R3HDM1: variants seen among roughly 807,000 people sequenced by gnomAD.
R3HDM1 encodes the protein R3H domain containing 1, also known as R3H domain-containing protein 1.
A neutral mutation model predicts 141.1 loss-of-function variants in R3HDM1; 46 were observed. That is an observed-to-expected ratio of 0.33 (90% CI 0.26 to 0.42). R3HDM1 has a LOEUF of 0.42. R3HDM1 is among the 10% of genes least tolerant of loss of function. The pLI is 1.00. For missense variants in R3HDM1, 1,184 were observed against 1,368.3 expected, an observed-to-expected ratio of 0.87 and a Z score of 2.12; for synonymous variants, 435 against 472.9, an observed-to-expected ratio of 0.92 and a Z score of 1.04.
rs771446301 is a variant in R3HDM1 at position 135,641,538 on chromosome 2, T to G, written c.1222T>G (p.Ser408Ala). Reference protein sequence around the residue: ...KSIGRLSKTGSESSGSVGSST... With the variant: ...KSIGRLSKTGAESSGSVGSST... Reference sequence around the variant, plus strand: ...ATTTTTCATTACTCCTCTTCTAGGTTCTGAGTCTTCTGGTAGTGTAGGGTC... The same window carrying G: ...ATTTTTCATTACTCCTCTTCTAGGTGCTGAGTCTTCTGGTAGTGTAGGGTC... Residue 408 changes from serine to alanine, a missense_variant and splice_region_variant, in exon 15 of 27, where the codon TCT (serine) becomes GCT (alanine). Physicochemically the swap from Ser to Ala is moderately conservative, Grantham distance 99. Around this residue, in one of 5 missense-constraint regions of R3HDM1, gnomAD observed 240 missense variants for 312.3 expected, o/e 0.77. Transcript: ENST00000683871. The G allele has an allele frequency of 1.2e-5, 20 of 1,604,994 alleles. No homozygotes were observed. The South Asian group carries it at 2.3e-4, about 18-fold the overall frequency.
At chr2:135,589,420 C>T (rs568730948) in intron 1 of R3HDM1, among the ~76,000 whole-genome samples, 1 of 152,284 alleles carries the variant, frequency 6.6e-6, no homozygotes, top group South Asian at 2.1e-4. Flanking sequence ...TGATCCCCCT[C>T]TGGTTGTAGG....
At chr2:135,655,870 T>C (rs2065814255) in intron 18 of R3HDM1, among the ~76,000 whole-genome samples, 1 of 152,176 alleles carries the variant, frequency 6.6e-6, no homozygotes, top group South Asian at 2.1e-4. Flanking sequence ...TGGGCTTTTC[T>C]GTTTCTGCAA....
intron 1 of R3HDM1, chr2:135,597,027 C>A: frequency 1.0e-6 from 1 of 984,592 alleles, no homozygotes; most frequent in Non-Finnish European, 1.2e-6. Flanking sequence ...TTCCCCATTT[C>A]TCCACTCAGA....
intron 19 of R3HDM1, chr2:135,669,679 G>C (rs906470262): frequency 1.5e-6 from 1 of 681,066 alleles, no homozygotes; most frequent in African/African-American, 2.0e-5. Flanking sequence ...GTTGATCATA[G>C]AGAAGGTATG....
chr2:135,567,130 G>A (rs1457893639), intron 1 of R3HDM1, among the ~76,000 whole-genome samples: 1 of 152,134 alleles, frequency 6.6e-6, no homozygotes, highest in East Asian at 1.9e-4. Flanking sequence ...AATAGTGCTT[G>A]GGATACAGAT....
At chr2:135,534,476 TTC>T (rs1695609236) in intron 1 of R3HDM1, among the ~76,000 whole-genome samples, 1 of 152,260 alleles carries the variant, frequency 6.6e-6, no homozygotes, top group Non-Finnish European at 1.5e-5. Context: ...TGCTATTCCT[TTC>T]TCTTCAGAGG....
At chr2:135,550,661 A>G (rs563788628) in intron 1 of R3HDM1, among the ~76,000 whole-genome samples, 12 of 152,202 alleles carry the variant, frequency 7.9e-5, no homozygotes, top group Admixed American at 2.6e-4. Flanking sequence ...TCAAAGATAT[A>G]CCTCTGCTCA....
At chr2:135,541,868 A>AAAGAAAG (rs3074517) in intron 1 of R3HDM1, among the ~76,000 whole-genome samples, 18 of 143,930 alleles carry the variant, frequency 1.3e-4, no homozygotes, top group South Asian at 1.1e-3. Flanking sequence ...AAAAAAAAAA[A>AAAGAAAG]AAAGAAAGAA....
intron 19 of R3HDM1, among the ~76,000 whole-genome samples, chr2:135,665,902 C>G (rs1484942299): frequency 6.6e-6 from 1 of 152,044 alleles, no homozygotes; most frequent in Admixed American, 6.6e-5. Context: ...TTCTTACCAA[C>G]GATATAATTT....
At chr2:135,536,884 C>A in intron 1 of R3HDM1, 2 of 208,152 alleles carry the variant, frequency 9.6e-6, no homozygotes, top group Non-Finnish European at 1.7e-5. Flanking sequence ...GTGAACTGCG[C>A]ATGCAAGGGA....
At chr2:135,666,938 A>AT in intron 19 of R3HDM1, 2 of 267,526 alleles carry the variant, frequency 7.5e-6, no homozygotes, top group Non-Finnish European at 1.1e-5. Context: ...AAAAAAAAAG[A>AT]AAACTACCTT....
At chr2:135,639,976 G>C (rs2063622957) in intron 14 of R3HDM1, among the ~76,000 whole-genome samples, 1 of 152,014 alleles carries the variant, frequency 6.6e-6, no homozygotes, top group Non-Finnish European at 1.5e-5. Flanking sequence ...GCACGTGTCT[G>C]TAGTCCCAGC....
At chr2:135,641,502 A>G in intron 14 of R3HDM1, 34 bp from the exon 15 acceptor site, 2 of 1,563,460 alleles carry the variant, frequency 1.3e-6, no homozygotes, top group Non-Finnish European at 1.7e-6. Flanking sequence ...TATGAGGTTT[A>G]AAAAATCCAT....
chr2:135,538,768 C>G lies in R3HDM1; in HGVS notation c.-250+7135C>G, dbSNP rs917712166. Among the ~76,000 whole-genome samples, 3 of 152,160 alleles carry G rather than the reference C, an allele frequency of 2.0e-5. No homozygotes were observed. In the East Asian group the frequency reaches 5.8e-4, roughly 29 times the overall value. On this transcript the variant is annotated intron_variant, in intron 1 of 26. Coordinates refer to ENST00000683871, the MANE Select transcript of R3HDM1 (RefSeq NM_001378107.1). ...AGCTGGGTCTACAGGTGCCCACCAC[C>G]ATGCCCGGCTAATTTTTGTATTTTT...
chr2:135,689,552 G>A (rs2071975424), intron 21 of R3HDM1, among the ~76,000 whole-genome samples: 1 of 152,172 alleles, frequency 6.6e-6, no homozygotes, highest in African/African-American at 2.4e-5. Flanking sequence ...CTTAGCTTGG[G>A]TTGCTTAGCA....
chr2:135,621,181 T>C (rs2061483074), intron 5 of R3HDM1, among the ~76,000 whole-genome samples: 1 of 152,042 alleles, frequency 6.6e-6, no homozygotes, highest in Admixed American at 6.5e-5. Flanking sequence ...TAAGAAGACC[T>C]GAGTTCTCAT....
intron 15 of R3HDM1, 21 bp from the exon 16 acceptor site, chr2:135,645,358 C>T (rs1333707090): frequency 3.8e-6 from 6 of 1,560,528 alleles, no homozygotes; most frequent in Admixed American, 1.8e-5. Context: ...TTATTTTTTT[C>T]CCTCTTTTTG....
In R3HDM1 at chr2:135,683,515, C is replaced by T. The variant is rs572003819; in HGVS notation, c.2459+3191C>T. On this transcript the variant is annotated intron_variant, in intron 21 of 26. Transcript: ENST00000683871. Reference sequence around the variant, plus strand: ...GTTGTAGTGAGCCGAGATCATGCCACTGCACTCCAGCCTGGGCAGCAGAGT... The same window carrying T: ...GTTGTAGTGAGCCGAGATCATGCCATTGCACTCCAGCCTGGGCAGCAGAGT... 1.7e-4 allele frequency among the ~76,000 whole-genome samples: 25 copies of T among 148,236 alleles called. No homozygotes were observed. In the East Asian group the frequency reaches 4.8e-3, roughly 28 times the overall value.
intron 1 of R3HDM1, among the ~76,000 whole-genome samples, chr2:135,542,350 C>G (rs1433250118): frequency 2.0e-5 from 3 of 152,150 alleles, no homozygotes; most frequent in Non-Finnish European, 2.9e-5. Context: ...TTTTACTAAG[C>G]CATGTTCACA....
Sources: allele counts gnomAD v4.1 joint callset (sites outside exome capture counted in the v4.1 genomes callset), GRCh38; gene constraint gnomAD v4.1.1; regional missense constraint gnomAD v4.1.1; transcripts MANE v1.5; gene names NCBI Gene and HGNC (gene_info 2026-07-23, HGNC 2026-07-21).